Variants in ALDH1A2 observed in about 807,000 individuals in gnomAD.
ALDH1A2 encodes retinal dehydrogenase 2.
A neutral mutation model predicts 60.3 loss-of-function variants in ALDH1A2; 27 were observed. The ratio of observed to expected loss-of-function variants is 0.45; its 90% CI spans 0.33 to 0.62. The LOEUF (loss-of-function observed/expected upper bound fraction) is 0.62, where lower values mean the gene tolerates loss of function less well. Ranked by LOEUF, ALDH1A2 falls within the 20% of genes least tolerant of loss-of-function variation. The probability of loss-of-function intolerance (pLI) is 0.02; values close to 1 mark genes in which losing one functional copy is unlikely to be tolerated. For missense variants in ALDH1A2, 581 were observed against 643.8 expected, an observed-to-expected ratio of 0.90 and a Z score of 1.06; for synonymous variants, 289 against 232.4, an observed-to-expected ratio of 1.24 and a Z score of -2.21.
chr15:58,030,970 A>T (rs561111158), intron 1 of ALDH1A2, among the ~76,000 whole-genome samples: 4 of 152,186 alleles, frequency 2.6e-5, no homozygotes, highest in Non-Finnish European at 5.9e-5. Context: ...GGTAATTTAT[A>T]GATTCAATGC....
intron 1 of ALDH1A2, among the ~76,000 whole-genome samples, chr15:58,054,449 A>C (rs1896847725): frequency 6.6e-6 from 1 of 152,134 alleles, no homozygotes; most frequent in Non-Finnish European, 1.5e-5. Flanking sequence ...TGAAACTCAA[A>C]GTTTGAGTAC....
In ALDH1A2 at chr15:57,962,174, A is replaced by T; in HGVS notation, c.1089T>A (p.Ile363=). The T allele has an allele frequency of 6.2e-7, 1 of 1,614,122 alleles. No individual in the cohort carries two copies. The highest frequency in any genetic ancestry group is 8.5e-7 in the Non-Finnish European group (1 of 1,179,982). The part of the protein sequence containing the change: ...FDPTTEQGPQ[I]DKKQYNKILE... ...AGATCTTGTTGTACTGTTTCTTATCAATCTGTGGGAGACAAGACTTAATGA... is the reference window on the plus strand; with the variant it reads ...AGATCTTGTTGTACTGTTTCTTATCTATCTGTGGGAGACAAGACTTAATGA... Residue 363 remains isoleucine, a splice_region_variant and synonymous_variant, in exon 10 of 13, where the codon ATT becomes ATA. Coordinates refer to ENST00000249750, the MANE Select transcript of ALDH1A2 (RefSeq NM_003888.4).
At chr15:58,014,149 G>T (rs762932971) in intron 2 of ALDH1A2, 28 bp downstream of exon 2, 1 of 1,614,094 alleles carries the variant, frequency 6.2e-7, no homozygotes, top group Non-Finnish European at 8.5e-7. Flanking sequence ...TTATTTCATA[G>T]GAAATCTTTT....
intron 11 of ALDH1A2, 64 bp downstream of exon 11, chr15:57,961,073 G>A: frequency 6.3e-7 from 1 of 1,596,724 alleles, no homozygotes; most frequent in Non-Finnish European, 8.6e-7. Flanking sequence ...GGAGATACTT[G>A]TTTATTTCAC....
chr15:57,979,928 A>G (rs556638916), intron 7 of ALDH1A2: 27 of 359,916 alleles, frequency 7.5e-5, no homozygotes, highest in African/African-American at 5.3e-4. Context: ...GAATTACCAC[A>G]CTTGTCGGTT....
At chr15:58,019,706 C>T (rs1432754981) in intron 1 of ALDH1A2, among the ~76,000 whole-genome samples, 2 of 152,098 alleles carry the variant, frequency 1.3e-5, no homozygotes, top group African/African-American at 4.8e-5. Context: ...TGTCCACTGA[C>T]ATATTATAGG....
At chr15:58,036,673 C>T (rs1185528146) in intron 1 of ALDH1A2, 2 of 151,546 alleles carry the variant, frequency 1.3e-5, no homozygotes, top group African/African-American at 4.8e-5. Context: ...GTAAGTACGA[C>T]TGAAAATCCA....
rs530381465 is a variant in ALDH1A2 at position 58,049,649 on chromosome 15, A to G, written c.117+15885T>C. Reference sequence around the variant, plus strand: ...AGGTAAAGATGGTGAAGGCCATCCAACACATTAACTGGTCTCCCCAAATGT... The same window carrying G: ...AGGTAAAGATGGTGAAGGCCATCCAGCACATTAACTGGTCTCCCCAAATGT... On this transcript the variant is annotated intron_variant, in intron 1 of 12. Transcript: ENST00000249750. 1.3e-4 allele frequency among the ~76,000 whole-genome samples: 20 copies of G among 152,068 alleles called. No homozygotes were observed. In the South Asian group the frequency reaches 4.1e-3, roughly 31 times the overall value.
chr15:58,037,623 T>C (rs1196182435), intron 1 of ALDH1A2, among the ~76,000 whole-genome samples: 2 of 151,776 alleles, frequency 1.3e-5, no homozygotes, highest in Non-Finnish European at 3.0e-5. Context: ...TTGTGCATCA[T>C]AATTCTATTT....
intron 1 of ALDH1A2, chr15:58,058,137 C>T (rs2140581646): frequency 7.1e-7 from 1 of 1,417,168 alleles, no homozygotes; most frequent in East Asian, 2.5e-5. Context: ...CAGTTGTTCT[C>T]CATAAATTCA....
At chr15:57,988,516 A>G (rs1030495729) in intron 7 of ALDH1A2, among the ~76,000 whole-genome samples, 1 of 152,208 alleles carries the variant, frequency 6.6e-6, no homozygotes, top group Non-Finnish European at 1.5e-5. Context: ...ATATTATTCC[A>G]TTTATATGAA....
At chr15:58,010,887 G>T in intron 3 of ALDH1A2, 109 bp from the exon 4 acceptor site, 3 of 1,349,266 alleles carry the variant, frequency 2.2e-6, no homozygotes, top group Non-Finnish European at 3.1e-6. Context: ...TGCATATGGA[G>T]TTGCATACCT....
chr15:57,957,269 A>T (rs943506744), intron 12 of ALDH1A2, among the ~76,000 whole-genome samples: 2 of 152,092 alleles, frequency 1.3e-5, no homozygotes, highest in African/African-American at 4.8e-5. Flanking sequence ...GCAGTTCCTG[A>T]ACCTCAGTAT....
chr15:57,974,833 G>T (rs772817590), intron 7 of ALDH1A2, among the ~76,000 whole-genome samples: 4 of 152,150 alleles, frequency 2.6e-5, no homozygotes, highest in Non-Finnish European at 5.9e-5. Flanking sequence ...AAAGCACAAA[G>T]GACTTTTATC....
At chr15:57,976,282 A>G (rs1357871764) in intron 7 of ALDH1A2, among the ~76,000 whole-genome samples, 2 of 152,204 alleles carry the variant, frequency 1.3e-5, no homozygotes, top group African/African-American at 4.8e-5. Context: ...ATCTTCTTCC[A>G]GCACTGTATT....
intron 1 of ALDH1A2, among the ~76,000 whole-genome samples, chr15:58,020,026 A>C (rs1283034679): frequency 7.3e-6 from 1 of 137,366 alleles, no homozygotes; most frequent in Admixed American, 8.1e-5. Flanking sequence ...CCCTTCCTTG[A>C]ATCCAAGTGT....
At chr15:58,001,893 G>T (rs1444500555) in intron 4 of ALDH1A2, among the ~76,000 whole-genome samples, 1 of 151,892 alleles carries the variant, frequency 6.6e-6, no homozygotes, top group African/African-American at 2.4e-5. Context: ...ATACCACATT[G>T]TAGGTCAATA....
intron 1 of ALDH1A2, among the ~76,000 whole-genome samples, chr15:58,062,372 G>A (rs1216272901): frequency 2.0e-5 from 3 of 152,120 alleles, no homozygotes; most frequent in Admixed American, 1.3e-4. Flanking sequence ...AAAGAAGGTC[G>A]AAGTGGAATA....
At chr15:57,977,264 C>T (rs11630835) in intron 7 of ALDH1A2, among the ~76,000 whole-genome samples, 53,272 of 151,956 alleles carry the variant, frequency 0.35, 10,328 homozygotes, top group Non-Finnish European at 0.45. Context: ...AATTAGATCC[C>T]GTTTGTCAAT....
Sources: gnomAD v4.1 joint callset for allele counts (sites outside exome capture counted in the v4.1 genomes callset) on GRCh38, gnomAD v4.1.1 for gene constraint, MANE v1.5 for transcripts, NCBI Gene and HGNC (gene_info 2026-07-23, HGNC 2026-07-21) for gene names.